The following IGFBP3 variants were observed in gnomAD, a reference collection of about 807,000 sequenced individuals.
The protein encoded by IGFBP3 is insulin like growth factor binding protein 3.
In IGFBP3, 9 loss-of-function variants were observed where a neutral mutation model predicts 28.6. The ratio of observed to expected loss-of-function variants is 0.31; its 90% CI spans 0.19 to 0.55. The LOEUF is 0.55. IGFBP3 is among the 20% of genes least tolerant of loss of function. The pLI is 0.93. For missense variants in IGFBP3, 382 were observed against 428.9 expected (o/e 0.89, Z 0.97); for synonymous variants, 185 against 188.2 (o/e 0.98, Z 0.14).
Position 45,920,742 on chromosome 7 carries a change from A to AGCTGGCGGC in IGFBP3, c.390_398dup (p.Pro132_Pro134dup). On this transcript the variant is annotated inframe_insertion, in exon 1 of 5. Coordinates refer to ENST00000613132, the MANE Select transcript of IGFBP3 (RefSeq NM_000598.5). The stretch of plus-strand genomic sequence containing the variant: ...CACCTGGCGCGGGCGGCTCACCTGG[A>AGCTGGCGGC]GCTGGCGGCGCTGGCAGCAGGTAGG... 46 of 1,412,880 alleles carry AGCTGGCGGC rather than the reference A, an allele frequency of 3.3e-5. No homozygotes were observed. Among genetic ancestry groups the AGCTGGCGGC allele is most frequent in the Non-Finnish European group, 4.2e-5 (46 of 1,091,718 alleles). 87.5% of individuals were successfully genotyped at this position (1,412,880 alleles called of 1,614,324 possible). A position where few individuals can be genotyped will look rare whatever the true frequency, so the allele number is the denominator to read the frequency against.
intron 1 of IGFBP3, chr7:45,920,401 C>A (rs564425233): frequency 3.4e-5 from 10 of 292,016 alleles, no homozygotes; most frequent in African/African-American, 1.7e-4. Flanking sequence ...CACCCCCGTG[C>A]GGGGCGAGGA....
intron 3 of IGFBP3, 31 bp downstream of exon 3, chr7:45,916,517 A>G (rs771352056): frequency 6.3e-7 from 1 of 1,598,994 alleles, no homozygotes; most frequent in Non-Finnish European, 8.6e-7. Context: ...TCAACAGAAG[A>G]GGAAGAAAAC....
In IGFBP3 at chr7:45,914,905, C is replaced by T. The variant is rs769988507; in HGVS notation, c.791G>A (p.Cys264Tyr). 6.2e-7 allele frequency: 1 copy of T among 1,614,174 alleles called. No homozygotes were observed. Among genetic ancestry groups the T allele is most frequent in the Non-Finnish European group, 8.5e-7 (1 of 1,180,024 alleles). ...GAGAGGCTGCCCATACTTATCCACACACCAGCAGAAGCCCCGCTTCCTGCC... is the reference window on the plus strand; with the variant it reads ...GAGAGGCTGCCCATACTTATCCACATACCAGCAGAAGCCCCGCTTCCTGCC... Reference protein sequence around the residue: ...SKGRKRGFCWCVDKYGQPLPG... With the variant: ...SKGRKRGFCWYVDKYGQPLPG... Residue 264 changes from cysteine to tyrosine, a missense_variant, in exon 4 of 5, where the codon TGT becomes TAT. Cys to Tyr is a radical substitution (Grantham distance 194). Transcript: ENST00000613132.
intron 3 of IGFBP3, 171 bp from the exon 4 acceptor site, chr7:45,915,116 T>G: frequency 1.5e-6 from 1 of 671,074 alleles, no homozygotes; most frequent in Non-Finnish European, 2.5e-6. Flanking sequence ...CCGCTGAGTG[T>G]GCGCCTGTGC....
chr7:45,917,182 C>G, intron 2 of IGFBP3, 31 bp downstream of exon 2: 3 of 1,556,938 alleles, frequency 1.9e-6, no homozygotes, highest in Non-Finnish European at 2.7e-6. Context: ...AGGTCTTGCC[C>G]TCCTCCTTTA....
At chr7:45,916,943 G>A (rs1784616520) in intron 2 of IGFBP3, 1 of 563,348 alleles carries the variant, frequency 1.8e-6, no homozygotes, top group Non-Finnish European at 3.2e-6. Flanking sequence ...CTATCTTTAT[G>A]AGAATATTTT....
chr7:45,916,021 G>A (rs963476734), intron 3 of IGFBP3, among the ~76,000 whole-genome samples: 2 of 152,202 alleles, frequency 1.3e-5, no homozygotes, highest in Non-Finnish European at 2.9e-5. Flanking sequence ...AGAGACACAC[G>A]AGTCACCAAC....
rs1024270077 is a variant in IGFBP3, at chr7:45,913,685, A to C, written c.*165T>G. The C allele has an allele frequency of 4.3e-4, 66 of 152,440 alleles. No individual in the cohort carries two copies. The highest frequency in any genetic ancestry group is 1.6e-3 in the African/African-American group (65 of 41,564). 9.4% of individuals were successfully genotyped at this position (152,440 alleles called of 1,614,324 possible). ...CTCAAGTTTACCATTCAAAGAAACC[A>C]TAGGCATTTCAAAAACCTCTTTCTA... On this transcript the variant is annotated 3_prime_UTR_variant, in exon 5 of 5. Coordinates refer to ENST00000613132, the MANE Select transcript of IGFBP3 (RefSeq NM_000598.5).
Position 45,920,758 on chromosome 7 carries a change from A to C in IGFBP3, c.383T>G (p.Leu128Arg). 1 of 1,421,518 alleles carries C rather than the reference A, an allele frequency of 7.0e-7. No individual in the cohort carries two copies. The highest frequency in any genetic ancestry group is 9.1e-7 in the Non-Finnish European group (1 of 1,095,886). 88.1% of individuals were successfully genotyped at this position (1,421,518 alleles called of 1,614,324 possible). A position where few individuals can be genotyped will look rare whatever the true frequency, so the allele number is the denominator to read the frequency against. Residue 128 changes from leucine (L) to arginine (R), a missense_variant, in exon 1 of 5, where the codon CTG (leucine) becomes CGG (arginine). Transcript: ENST00000613132. ...SAVSRLRAYL[L>R]PAPPAPGNAS... ...CTCACCTGGAGCTGGCGGCGCTGGC[A>C]GCAGGTAGGCGCGCAGGCGGCTGAC... is the stretch of plus-strand genomic sequence containing the variant.
intron 2 of IGFBP3, 190 bp from the exon 3 acceptor site, chr7:45,916,857 C>T (rs1168486752): frequency 1.7e-6 from 1 of 594,382 alleles, no homozygotes; most frequent in African/African-American, 1.8e-5. Flanking sequence ...CCTTTTTGCT[C>T]TTCCCAGAGT....
At chr7:45,917,022 T>C in intron 2 of IGFBP3, 191 bp downstream of exon 2, 1 of 601,250 alleles carries the variant, frequency 1.7e-6, no homozygotes, top group Non-Finnish European at 3.0e-6. Context: ...TTGATCCTCA[T>C]AAGATTCTCC....
At position 45,916,618 on chromosome 7, in the gene IGFBP3, A is replaced by T; in HGVS notation, c.680T>A (p.Leu227His). Reference protein sequence around the residue: ...MEDTLNHLKFLNVLSPRGVHI... With the variant: ...MEDTLNHLKFHNVLSPRGVHI... Reference sequence around the variant, plus strand: ...TACACCCCTGGGACTCAGCACATTGAGGAACTTCAGGTGATTCAGTGTGTC... The same window carrying T: ...TACACCCCTGGGACTCAGCACATTGTGGAACTTCAGGTGATTCAGTGTGTC... Residue 227 changes from leucine (L) to histidine (H), a missense_variant, in exon 3 of 5, where the codon CTC becomes CAC. Leu to His is a moderately conservative substitution (Grantham distance 99). Transcript: ENST00000613132. The T allele has an allele frequency of 6.2e-7, 1 of 1,613,542 alleles. No individual in the cohort carries two copies. The highest frequency in any genetic ancestry group is 8.5e-7 in the Non-Finnish European group (1 of 1,179,494).
chr7:45,914,790 C>T lies in IGFBP3; in HGVS notation c.*15+15G>A, dbSNP rs757153130. On this transcript the variant is annotated intron_variant, in intron 4 of 4. Transcript: ENST00000613132. Reference sequence around the variant, plus strand: ...GAGGCCCTGGAGCCCCAGGCTGCCCCTCCTGAGTACTCACCCTTGCGGCAG... The same window carrying T: ...GAGGCCCTGGAGCCCCAGGCTGCCCTTCCTGAGTACTCACCCTTGCGGCAG... 8 of 1,612,076 alleles carry T rather than the reference C, an allele frequency of 5.0e-6. No homozygotes were observed. The East Asian group carries it at 1.6e-4, about 31-fold the overall frequency.
Position 45,914,940 on chromosome 7 carries a change from G to T in IGFBP3, c.756C>A (p.Arg252=), listed in dbSNP as rs1479782087. The T allele has an allele frequency of 6.2e-7, 1 of 1,614,038 alleles. No homozygotes were observed. The highest frequency in any genetic ancestry group is 8.5e-7 in the Non-Finnish European group (1 of 1,179,968). ...AGCCCCGCTTCCTGCCTTTGGAAGG[G>T]CGACACTGTGGGAGAGAAACAGAAG... is the stretch of plus-strand genomic sequence containing the variant. ...KKGFYKKKQC[R]PSKGRKRGFC... Residue 252 remains arginine, a synonymous_variant, in exon 4 of 5, where the codon CGC becomes CGA. Transcript: ENST00000613132.
Position 45,917,265 on chromosome 7 carries a change from T to C in IGFBP3, c.578A>G (p.Gln193Arg), listed in dbSNP as rs1028983930. 1.2e-6 allele frequency: 2 copies of C among 1,613,990 alleles called. No individual in the cohort carries two copies. The highest frequency in any genetic ancestry group is 1.3e-5 in the African/African-American group (1 of 74,930). Residue 193 changes from glutamine (Q) to arginine (R), a missense_variant, in exon 2 of 5, where the codon CAG becomes CGG. Transcript: ENST00000613132. ...GGAGAAGTTCTGGGTATCTGTGCTCTGAGACTCGTAGTCAACTTTGTAGCG... is the reference window on the plus strand; with the variant it reads ...GGAGAAGTTCTGGGTATCTGTGCTCCGAGACTCGTAGTCAACTTTGTAGCG... ...SQRYKVDYES[Q>R]STDTQNFSSE... is the part of the protein sequence containing the mutation.
chr7:45,916,490 T>C, intron 3 of IGFBP3, 58 bp downstream of exon 3: 1 of 1,562,670 alleles, frequency 6.4e-7, no homozygotes, highest in Admixed American at 1.7e-5. Flanking sequence ...GCTGGTGAGA[T>C]GGGTTTCTCC....
At chr7:45,915,047 C>A (rs1784591670) in intron 3 of IGFBP3, 102 bp from the exon 4 acceptor site, 12 of 1,381,096 alleles carry the variant, frequency 8.7e-6, no homozygotes, top group East Asian at 2.3e-5. Context: ...CTCTGCTATG[C>A]TGAGAAAGCA....
At position 45,914,834 on chromosome 7, in the gene IGFBP3, T is replaced by C; in HGVS notation, c.862A>G (p.Met288Val). The change falls in exon 4 of 5, where the codon ATG (methionine) becomes GTG (valine). Residue 288 changes from methionine to valine, a missense_variant. By Grantham distance (21) the Met-to-Val change is conservative (BLOSUM62 1). Transcript: ENST00000613132. Reference sequence around the variant, plus strand: ...GCGGCAGGCGTCTACTTGCTCTGCATGCTGTAGCAGTGCACGTCCTCCTTC... The same window carrying C: ...GCGGCAGGCGTCTACTTGCTCTGCACGCTGTAGCAGTGCACGTCCTCCTTC... Reference protein sequence around the residue: ...KGKEDVHCYSMQSK With the variant: ...KGKEDVHCYSVQSK 1 of 1,614,054 alleles carries C rather than the reference T, an allele frequency of 6.2e-7. No homozygotes were observed. Among genetic ancestry groups the C allele is most frequent in the South Asian group, 1.1e-5 (1 of 91,084 alleles).
intron 3 of IGFBP3, 32 bp downstream of exon 3, chr7:45,916,516 G>A (rs1398844829): frequency 1.3e-6 from 2 of 1,598,392 alleles, no homozygotes; most frequent in African/African-American, 1.3e-5. Context: ...GTCAACAGAA[G>A]AGGAAGAAAA....
Sources: gnomAD v4.1 joint callset for allele counts (sites outside exome capture counted in the v4.1 genomes callset) on GRCh38, gnomAD v4.1.1 for gene constraint, MANE v1.5 for transcripts, NCBI Gene and HGNC (gene_info 2026-07-23, HGNC 2026-07-21) for gene names.